The following GLIS3 variants were observed in gnomAD, a reference collection of about 807,000 sequenced individuals.
The protein encoded by GLIS3 is GLIS family zinc finger 3, also known as zinc finger protein GLIS3.
A neutral mutation model predicts 78.6 loss-of-function variants in GLIS3; 53 were observed. The observed-to-expected ratio is 0.67, with a 90% confidence interval of 0.54 to 0.85. GLIS3 has a LOEUF of 0.85. GLIS3 is among the 40% of genes least tolerant of loss of function. The pLI is 0.00. For synonymous variants in GLIS3, 684 were observed against 509.9 expected (o/e 1.34, Z -4.60); for missense variants, 1,703 against 1,231.1 (o/e 1.38, Z -5.74).
intron 8 of GLIS3, among the ~76,000 whole-genome samples, chr9:3,865,925 A>T (rs1169681128): frequency 6.6e-6 from 1 of 152,212 alleles, no homozygotes; most frequent in Non-Finnish European, 1.5e-5. Context: ...TAAAAATCTG[A>T]TATAACAAAC....
At chr9:4,169,502 T>C (rs971437910) in intron 2 of GLIS3, among the ~76,000 whole-genome samples, 1 of 152,198 alleles carries the variant, frequency 6.6e-6, no homozygotes, top group African/African-American at 2.4e-5. Flanking sequence ...ACACTACGCT[T>C]GTGATCCAGT....
At chr9:3,896,784 C>T (rs550925532) in intron 7 of GLIS3, among the ~76,000 whole-genome samples, 149 of 151,632 alleles carry the variant, frequency 9.8e-4, no homozygotes, top group African/African-American at 3.3e-3. Context: ...CAAGTGTTCT[C>T]AAGAGTTACG....
intron 2 of GLIS3, among the ~76,000 whole-genome samples, chr9:4,338,120 G>T (rs544739360): frequency 1.1e-4 from 17 of 152,006 alleles, no homozygotes; most frequent in African/African-American, 3.9e-4. Flanking sequence ...TTTCACAGGA[G>T]TCAGGACACC....
Position 4,048,506 on chromosome 9 carries a change from C to T in GLIS3, c.1710+69262G>A, listed in dbSNP as rs190470453. On this transcript the variant is annotated intron_variant, in intron 4 of 10. Coordinates refer to ENST00000381971, the MANE Select transcript of GLIS3 (RefSeq NM_001042413.2). The stretch of plus-strand genomic sequence containing the variant: ...AAATAGAAAAAAAAAGTAGCTAGCA[C>T]GGTCAGAAACAGCTGGCTTAACCAC... Among the ~76,000 whole-genome samples, 31 of 152,252 alleles carry T rather than the reference C, an allele frequency of 2.0e-4. No individual in the cohort carries two copies. In the East Asian group the frequency reaches 4.4e-3, roughly 22 times the overall value.
chr9:4,202,157 T>TTTC (rs1554618460), intron 2 of GLIS3, among the ~76,000 whole-genome samples: 2 of 146,630 alleles, frequency 1.4e-5, no homozygotes, highest in Non-Finnish European at 3.0e-5. Flanking sequence ...TTTTTCTTTT[T>TTTC]TTTTTTTTTT....
At chr9:3,830,581 T>C (rs1428258734) in intron 9 of GLIS3, among the ~76,000 whole-genome samples, 1 of 152,206 alleles carries the variant, frequency 6.6e-6, no homozygotes. Context: ...TCAGTTATTA[T>C]TGATATCACT....
At chr9:4,430,325 A>C in the GLIS3 span, among the ~76,000 whole-genome samples, 3 of 152,154 alleles carry the variant, frequency 2.0e-5, no homozygotes, top group Non-Finnish European at 4.4e-5. Context: ...TTTGTGTGAA[A>C]TCATTCTGAT....
At chr9:4,356,353 A>G in the GLIS3 span, among the ~76,000 whole-genome samples, 1 of 152,190 alleles carries the variant, frequency 6.6e-6, no homozygotes, top group Non-Finnish European at 1.5e-5. Flanking sequence ...CACTTTAAAG[A>G]GCATGATTGG....
At chr9:4,410,155 T>A in the GLIS3 span, among the ~76,000 whole-genome samples, 1 of 150,948 alleles carries the variant, frequency 6.6e-6, no homozygotes, top group Non-Finnish European at 1.5e-5. Flanking sequence ...TTTTTTTTCT[T>A]AAGCAGAGAC....
chr9:3,916,662 G>A (rs1440293137), intron 6 of GLIS3, among the ~76,000 whole-genome samples: 1 of 152,124 alleles, frequency 6.6e-6, no homozygotes, highest in African/African-American at 2.4e-5. Flanking sequence ...TTAAAGTTAA[G>A]GATTAAAACA....
At chr9:4,198,089 A>T (rs1819033241) in intron 2 of GLIS3, among the ~76,000 whole-genome samples, 1 of 152,226 alleles carries the variant, frequency 6.6e-6, no homozygotes, top group Non-Finnish European at 1.5e-5. Flanking sequence ...TCTAGCACCA[A>T]GAAATATCTG....
intron 2 of GLIS3, among the ~76,000 whole-genome samples, chr9:4,273,993 A>C (rs577281142): frequency 2.6e-5 from 4 of 152,320 alleles, no homozygotes; most frequent in African/African-American, 9.6e-5. Context: ...ATGTCCTTGC[A>C]TAGGACATTC....
At chr9:3,838,740 G>GA (rs1818522656) in intron 9 of GLIS3, among the ~76,000 whole-genome samples, 1 of 8,832 alleles carries the variant, frequency 1.1e-4, no homozygotes, top group Non-Finnish European at 3.4e-4. Context: ...ATTTTGATGG[G>GA]AAAGGAAAAG....
At chr9:4,249,385 T>C (rs992342992) in intron 2 of GLIS3, among the ~76,000 whole-genome samples, 3 of 152,194 alleles carry the variant, frequency 2.0e-5, no homozygotes, top group Non-Finnish European at 4.4e-5. Context: ...TTTGTAGCAA[T>C]TGTGAATGGA....
chr9:3,848,659 A>T lies in GLIS3; in HGVS notation c.2473+7350T>A, dbSNP rs182745644. On this transcript the variant is annotated intron_variant, in intron 9 of 10. Coordinates refer to ENST00000381971, the MANE Select transcript of GLIS3 (RefSeq NM_001042413.2). ...TGAGTAAACAGCCAACTGAGGAAGA[A>T]GTTAGCTAAACTTGTACTTGCCACC... 1.8e-3 allele frequency among the ~76,000 whole-genome samples: 272 copies of T among 152,368 alleles called. 1 individual carries two copies. The highest frequency in any genetic ancestry group is 0.017 in the Middle Eastern group (5 of 294).
intron 2 of GLIS3, among the ~76,000 whole-genome samples, chr9:4,180,809 G>C (rs574195039): frequency 1.3e-5 from 2 of 152,276 alleles, no homozygotes; most frequent in African/African-American, 2.4e-5. Context: ...CGGTGTAGCA[G>C]AGGGCAAAAT....
the GLIS3 span, among the ~76,000 whole-genome samples, chr9:4,459,085 T>C: frequency 1.3e-5 from 2 of 152,102 alleles, no homozygotes; most frequent in East Asian, 1.9e-4. Context: ...ATTTATGTTT[T>C]AGTAGAAACA....
At chr9:4,139,000 G>C (rs1248587949) in intron 2 of GLIS3, among the ~76,000 whole-genome samples, 2 of 152,186 alleles carry the variant, frequency 1.3e-5, no homozygotes, top group African/African-American at 4.8e-5. Context: ...GCTGAAGGCA[G>C]GAAACCAAGC....
chr9:3,991,736 G>C (rs939057481), intron 4 of GLIS3, among the ~76,000 whole-genome samples: 4 of 127,292 alleles, frequency 3.1e-5, no homozygotes, highest in Admixed American at 9.7e-5. Flanking sequence ...TGTCGCCCAG[G>C]CTGGAGTGCA....
Sources: allele counts gnomAD v4.1 joint callset (sites outside exome capture counted in the v4.1 genomes callset), GRCh38; gene constraint gnomAD v4.1.1; transcripts MANE v1.5; gene names NCBI Gene and HGNC (gene_info 2026-07-23, HGNC 2026-07-21).